The following ATG5 variants were observed in gnomAD, a reference collection of about 807,000 sequenced individuals.
ATG5 encodes the protein autophagy protein 5.
ATG5 carries 14 observed loss-of-function variants against 36.5 expected under a neutral mutation model. The ratio of observed to expected loss-of-function variants is 0.38; its 90% CI spans 0.25 to 0.60. ATG5 has a LOEUF of 0.60. Among genes scored for constraint, ATG5 ranks in the 20% least tolerant of loss-of-function variants. The pLI is 0.60. For missense variants in ATG5, 195 were observed against 326.7 expected, an observed-to-expected ratio of 0.60 and a Z score of 3.11; for synonymous variants, 95 against 101.5, an observed-to-expected ratio of 0.94 and a Z score of 0.38.
In ATG5 at chr6:106,321,613, C is replaced by G. The variant is rs1382629690; in HGVS notation, c.-59+3913G>C. 5.3e-5 allele frequency among the ~76,000 whole-genome samples: 8 copies of G among 152,296 alleles called. No individual in the cohort carries two copies. The South Asian group carries it at 6.2e-4, about 12-fold the overall frequency. Reference sequence around the variant, plus strand: ...GACCTCATGATCCGCCTGCCTCGGCCTCCCAAAGTGCTGGGATTACAGGCG... The same window carrying G: ...GACCTCATGATCCGCCTGCCTCGGCGTCCCAAAGTGCTGGGATTACAGGCG... On this transcript the variant is annotated intron_variant, in intron 1 of 7. Transcript: ENST00000369076.
At chr6:106,212,292 CAACT>C (rs1199452900) in intron 6 of ATG5, among the ~76,000 whole-genome samples, 30 of 152,192 alleles carry the variant, frequency 2.0e-4, no homozygotes, top group Admixed American at 1.7e-3. Flanking sequence ...TAATAAAACA[CAACT>C]AACTATGAGT....
chr6:106,235,477 G>T (rs576537481), intron 6 of ATG5, among the ~76,000 whole-genome samples: 1 of 150,706 alleles, frequency 6.6e-6, no homozygotes, highest in East Asian at 1.9e-4. Context: ...CCTGTTGAGT[G>T]GGGGGACTGA....
At chr6:106,309,889 T>C (rs1770586699) in intron 2 of ATG5, among the ~76,000 whole-genome samples, 1 of 152,174 alleles carries the variant, frequency 6.6e-6, no homozygotes, top group Non-Finnish European at 1.5e-5. Context: ...CATAGTAATC[T>C]ATTCTGTAGA....
At chr6:106,189,460 C>T (rs1183074259) in intron 7 of ATG5, among the ~76,000 whole-genome samples, 1 of 151,698 alleles carries the variant, frequency 6.6e-6, no homozygotes, top group Non-Finnish European at 1.5e-5. Context: ...CTCAACCAAA[C>T]AAAGATTAGC....
intron 3 of ATG5, among the ~76,000 whole-genome samples, chr6:106,301,228 C>G (rs1004557494): frequency 3.9e-5 from 6 of 151,958 alleles, no homozygotes; most frequent in African/African-American, 1.4e-4. Flanking sequence ...TTTTTAAAAG[C>G]TAAAGATGCA....
In ATG5 at chr6:106,295,425, G is replaced by A. The variant is rs745803052; in HGVS notation, c.237-2319C>T. On this transcript the variant is annotated intron_variant, in intron 3 of 7. Transcript: ENST00000369076. Reference sequence around the variant, plus strand: ...CTAATCTATTAGATAAGATTCACTCGAGATCACATAAAATTACTAGCAATC... The same window carrying A: ...CTAATCTATTAGATAAGATTCACTCAAGATCACATAAAATTACTAGCAATC... 2.6e-5 allele frequency among the ~76,000 whole-genome samples: 4 copies of A among 152,102 alleles called. No homozygotes were observed. The East Asian group carries it at 5.8e-4, about 22-fold the overall frequency.
At chr6:106,230,972 CAG>C (rs954265985) in intron 6 of ATG5, among the ~76,000 whole-genome samples, 1 of 152,096 alleles carries the variant, frequency 6.6e-6, no homozygotes, top group Non-Finnish European at 1.5e-5. Flanking sequence ...AGGAAGCCCT[CAG>C]AGTCTACCTC....
chr6:106,300,000 T>A (rs887192595), intron 3 of ATG5, among the ~76,000 whole-genome samples: 1 of 152,212 alleles, frequency 6.6e-6, no homozygotes, highest in African/African-American at 2.4e-5. Flanking sequence ...TTACTCTATA[T>A]GTAGGACAAA....
rs536587032 is a variant in ATG5, at chr6:106,321,396, T to C, written c.-59+4130A>G. Among the ~76,000 whole-genome samples the C allele has an allele frequency of 3.7e-3, 559 of 151,802 alleles. 3 individuals carry two copies. The highest frequency in any genetic ancestry group is 0.014 in the South Asian group (66 of 4,792). ...TTTTTTGAGACGGAGTCTCGCTCTG[T>C]CGCTCAGGATGGAGTGCAGTGGCGC... On this transcript the variant is annotated intron_variant, in intron 1 of 7. Coordinates refer to ENST00000369076, the MANE Select transcript of ATG5 (RefSeq NM_004849.4).
At chr6:106,300,006 AC>A (rs1372256290) in intron 3 of ATG5, among the ~76,000 whole-genome samples, 1 of 152,246 alleles carries the variant, frequency 6.6e-6, no homozygotes, top group Non-Finnish European at 1.5e-5. Context: ...TATATGTAGG[AC>A]AAACACAAAC....
chr6:106,302,537 T>C (rs527279626), intron 3 of ATG5, among the ~76,000 whole-genome samples: 5 of 152,130 alleles, frequency 3.3e-5, no homozygotes, highest in East Asian at 3.9e-4. Flanking sequence ...AAACAATCCA[T>C]GTGAGAAATC....
intron 5 of ATG5, among the ~76,000 whole-genome samples, chr6:106,248,478 A>G (rs1459314577): frequency 1.3e-5 from 2 of 152,068 alleles, no homozygotes; most frequent in Admixed American, 6.6e-5. Flanking sequence ...TTTTTTTCTC[A>G]TAAGAAAAAC....
At chr6:106,258,159 C>A (rs536016795) in intron 5 of ATG5, among the ~76,000 whole-genome samples, 2 of 121,064 alleles carry the variant, frequency 1.7e-5, no homozygotes, top group Non-Finnish European at 1.6e-5. Flanking sequence ...TCTCCTCAAA[C>A]GGCAGAGATG....
At chr6:106,268,384 G>A (rs1779308174) in intron 5 of ATG5, among the ~76,000 whole-genome samples, 1 of 152,172 alleles carries the variant, frequency 6.6e-6, no homozygotes, top group Non-Finnish European at 1.5e-5. Context: ...AACAACAGAT[G>A]CTGGCAAGGT....
In ATG5 at chr6:106,280,896, G is replaced by C. The variant is rs370173954; in HGVS notation, c.316-1073C>G. 5.3e-5 allele frequency among the ~76,000 whole-genome samples: 8 copies of C among 152,016 alleles called. No individual in the cohort carries two copies. In the East Asian group the frequency reaches 1.2e-3, roughly 22 times the overall value. On this transcript the variant is annotated intron_variant, in intron 4 of 7. Coordinates refer to ENST00000369076, the MANE Select transcript of ATG5 (RefSeq NM_004849.4). ...ACTGTACAATATCACTTCCTCCAAA[G>C]ACTTAAATATTTAAGATAATCATTA...
chr6:106,304,681 G>A (rs1035339496), intron 3 of ATG5, among the ~76,000 whole-genome samples: 1 of 152,156 alleles, frequency 6.6e-6, no homozygotes, highest in African/African-American at 2.4e-5. Context: ...GAAGGAAGAG[G>A]TAACTGTAAA....
At chr6:106,318,963 A>C (rs1321265463) in intron 1 of ATG5, among the ~76,000 whole-genome samples, 1 of 152,204 alleles carries the variant, frequency 6.6e-6, no homozygotes, top group Non-Finnish European at 1.5e-5. Context: ...AATAAAACAA[A>C]ATTTAACTCT....
At chr6:106,232,788 C>T (rs1427284953) in intron 6 of ATG5, among the ~76,000 whole-genome samples, 3 of 152,122 alleles carry the variant, frequency 2.0e-5, no homozygotes, top group South Asian at 2.1e-4. Flanking sequence ...GTACCTAACC[C>T]TTATATTCTG....
chr6:106,251,809 A>C (rs1441473291), intron 5 of ATG5, among the ~76,000 whole-genome samples: 1 of 151,810 alleles, frequency 6.6e-6, no homozygotes, highest in East Asian at 1.9e-4. Context: ...TTGAGATTGA[A>C]GGAATAACCA....
Sources: allele counts gnomAD v4.1 joint callset (sites outside exome capture counted in the v4.1 genomes callset), GRCh38; gene constraint gnomAD v4.1.1; transcripts MANE v1.5; gene names NCBI Gene and HGNC (gene_info 2026-07-23, HGNC 2026-07-21).